The following PDE3B variants were observed in gnomAD, a reference collection of about 807,000 sequenced individuals.
PDE3B encodes the protein phosphodiesterase 3B, also known as cGMP-inhibited 3',5'-cyclic phosphodiesterase 3B.
Under a neutral mutation model 116.8 loss-of-function variants are expected in PDE3B, and 66 were observed. The observed-to-expected ratio is 0.56, with a 90% confidence interval of 0.46 to 0.69. PDE3B has a LOEUF of 0.69. Ranked by LOEUF, PDE3B falls within the 30% of genes least tolerant of loss-of-function variation. The pLI is 0.00. For synonymous variants in PDE3B, 595 were observed against 533.6 expected (o/e 1.12, Z -1.59); for missense variants, 1,384 against 1,368.1 (o/e 1.01, Z -0.18).
intron 5 of PDE3B, among the ~76,000 whole-genome samples, chr11:14,805,887 A>G (rs1858904862): frequency 6.6e-6 from 1 of 152,250 alleles, no homozygotes; most frequent in African/African-American, 2.4e-5. Context: ...AGACATAGGA[A>G]AAAATGCTCA....
rs890782584 is a variant in PDE3B at position 14,838,017 on chromosome 11, C to T, written c.2320+2922C>T. Reference sequence around the variant, plus strand: ...TTTTTGAGACGGAGTCTCACTTTGTCGCCCAGGCTGGAGTGCAGTGGCGCG... The same window carrying T: ...TTTTTGAGACGGAGTCTCACTTTGTTGCCCAGGCTGGAGTGCAGTGGCGCG... On this transcript the variant is annotated intron_variant, in intron 11 of 15. Coordinates refer to ENST00000282096, the MANE Select transcript of PDE3B (RefSeq NM_000922.4). Among the ~76,000 whole-genome samples, 7 of 150,286 alleles carry T rather than the reference C, an allele frequency of 4.7e-5. No homozygotes were observed. The East Asian group carries it at 5.9e-4, about 13-fold the overall frequency.
Position 14,835,100 on chromosome 11 carries a change from T to C in PDE3B, c.2320+5T>C. ...GTGGAACAGGAAATGAAACAGGTAC[T>C]TCCTTCTACAAATCTCTTAATTATT... On this transcript the variant is annotated splice_donor_5th_base_variant and intron_variant, in intron 11 of 15. Transcript: ENST00000282096. 2 of 1,519,292 alleles carry C rather than the reference T, an allele frequency of 1.3e-6. No homozygotes were observed. The highest frequency in any genetic ancestry group is 1.8e-6 in the Non-Finnish European group (2 of 1,100,094). 94.1% of individuals were successfully genotyped at this position (1,519,292 alleles called of 1,614,324 possible).
intron 1 of PDE3B, among the ~76,000 whole-genome samples, chr11:14,738,549 C>A (rs1448017727): frequency 6.6e-6 from 1 of 152,134 alleles, no homozygotes; most frequent in African/African-American, 2.4e-5. Context: ...AAAATTTTCT[C>A]CCATTCTCTA....
At chr11:14,747,047 G>A (rs1856927645) in intron 1 of PDE3B, among the ~76,000 whole-genome samples, 1 of 152,220 alleles carries the variant, frequency 6.6e-6, no homozygotes, top group African/African-American at 2.4e-5. Flanking sequence ...ATGGTGGAAG[G>A]CAAAGGCGGA....
At chr11:14,759,548 G>GTTT (rs1212052756) in intron 1 of PDE3B, among the ~76,000 whole-genome samples, 22 of 129,158 alleles carry the variant, frequency 1.7e-4, no homozygotes, top group East Asian at 4.5e-4. Flanking sequence ...ATCAGAAGTA[G>GTTT]TTTTTTTTTT....
intron 4 of PDE3B, among the ~76,000 whole-genome samples, chr11:14,799,547 C>CAA (rs1858675215): frequency 1.3e-5 from 2 of 151,782 alleles, no homozygotes; most frequent in Admixed American, 1.3e-4. Flanking sequence ...AAGTCTCCCA[C>CAA]TATTATTGTG....
chr11:14,679,622 A>G (rs1229946237), intron 1 of PDE3B, among the ~76,000 whole-genome samples: 1 of 151,906 alleles, frequency 6.6e-6, no homozygotes, highest in Admixed American at 6.6e-5. Context: ...AGGCAACTGC[A>G]GATTTCTGGC....
chr11:14,648,917 A>T (rs1035964927), intron 1 of PDE3B, among the ~76,000 whole-genome samples: 9 of 152,174 alleles, frequency 5.9e-5, no homozygotes, highest in African/African-American at 2.2e-4. Flanking sequence ...AGGAACAAAT[A>T]AGATTAGGAA....
At chr11:14,818,450 CTCAACATT>C in intron 6 of PDE3B, 57 bp downstream of exon 6, 1 of 1,199,732 alleles carries the variant, frequency 8.3e-7, no homozygotes, top group Non-Finnish European at 1.2e-6. Context: ...CAGTTAAGTC[CTCAACATT>C]TTGGATAGGT....
intron 7 of PDE3B, among the ~76,000 whole-genome samples, chr11:14,827,406 T>C (rs1859732528): frequency 6.6e-6 from 1 of 152,126 alleles, no homozygotes; most frequent in African/African-American, 2.4e-5. Context: ...TGATTCTATA[T>C]CTAGAAAACC....
chr11:14,840,624 A>G (rs1219469325), intron 11 of PDE3B, among the ~76,000 whole-genome samples: 1 of 152,200 alleles, frequency 6.6e-6, no homozygotes, highest in Non-Finnish European at 1.5e-5. Context: ...TGGTTTATAA[A>G]TAGTTCTGCC....
chr11:14,868,255 C>T (rs913186619), intron 15 of PDE3B, among the ~76,000 whole-genome samples: 3 of 152,194 alleles, frequency 2.0e-5, no homozygotes, highest in African/African-American at 7.2e-5. Context: ...TGTGCATGCA[C>T]GATAGGGCCA....
At chr11:14,806,085 G>T (rs548538648) in intron 5 of PDE3B, among the ~76,000 whole-genome samples, 2 of 152,160 alleles carry the variant, frequency 1.3e-5, no homozygotes, top group Non-Finnish European at 2.9e-5. Context: ...ACAGTGTGGC[G>T]ATTCCTCAAG....
chr11:14,779,462 C>T (rs1490056447), intron 2 of PDE3B, among the ~76,000 whole-genome samples: 16 of 152,304 alleles, frequency 1.1e-4, no homozygotes, highest in East Asian at 3.9e-4. Context: ...AGACTAACAG[C>T]GGATCTCTCG....
intron 1 of PDE3B, among the ~76,000 whole-genome samples, chr11:14,685,319 C>G (rs1235665327): frequency 6.6e-6 from 1 of 152,082 alleles, no homozygotes; most frequent in Non-Finnish European, 1.5e-5. Flanking sequence ...GAATCTATTG[C>G]ACCACTCCCC....
In PDE3B at chr11:14,743,042, G is replaced by A. The variant is rs187933629; in HGVS notation, c.979-28895G>A. Among the ~76,000 whole-genome samples the A allele has an allele frequency of 5.9e-5, 9 of 152,304 alleles. No individual in the cohort carries two copies. In the East Asian group the frequency reaches 1.2e-3, roughly 20 times the overall value. On this transcript the variant is annotated intron_variant, in intron 1 of 15. Coordinates refer to ENST00000282096, the MANE Select transcript of PDE3B (RefSeq NM_000922.4). ...TTTCTCCGAGTCAGGAGGCACGGGG[G>A]TCAGGGACCCACTTGAGGAGGCAGT...
chr11:14,709,914 A>G (rs1190289855), intron 1 of PDE3B, among the ~76,000 whole-genome samples: 1 of 152,094 alleles, frequency 6.6e-6, no homozygotes, highest in Non-Finnish European at 1.5e-5. Flanking sequence ...TATTATTCCT[A>G]TTCATGGTTT....
At chr11:14,876,930 G>A (rs1039510334), downstream of PDE3B, among the ~76,000 whole-genome samples, 1 of 152,074 alleles carries the variant, frequency 6.6e-6, no homozygotes, top group Non-Finnish European at 1.5e-5. Context: ...GGAAACATCT[G>A]AATATATCCA....
At chr11:14,822,162 C>T (rs987752331) in intron 7 of PDE3B, among the ~76,000 whole-genome samples, 1 of 152,166 alleles carries the variant, frequency 6.6e-6, no homozygotes, top group Non-Finnish European at 1.5e-5. Flanking sequence ...CTTGGCCTCC[C>T]AAAGCACTAG....
Sources: gnomAD v4.1 joint callset for allele counts (sites outside exome capture counted in the v4.1 genomes callset) on GRCh38, gnomAD v4.1.1 for gene constraint, MANE v1.5 for transcripts, NCBI Gene and HGNC (gene_info 2026-07-23, HGNC 2026-07-21) for gene names.